The following ZNF521 variants were observed in gnomAD, a reference collection of about 807,000 sequenced individuals.
The protein encoded by ZNF521 is zinc finger protein 521.
ZNF521 carries 14 observed loss-of-function variants against 105.5 expected under a neutral mutation model. The ratio of observed to expected loss-of-function variants is 0.13; its 90% CI spans 0.09 to 0.21. The LOEUF is 0.21. Among genes scored for constraint, ZNF521 ranks in the 10% least tolerant of loss-of-function variants. The pLI is 1.00. For synonymous variants in ZNF521, 635 were observed against 606.0 expected (o/e 1.05, Z -0.70); for missense variants, 1,233 against 1,629.7 (o/e 0.76, Z 4.19).
intron 5 of ZNF521, among the ~76,000 whole-genome samples, chr18:25,154,803 C>T (rs1174030112): frequency 6.6e-6 from 1 of 152,068 alleles, no homozygotes; most frequent in African/African-American, 2.4e-5. Flanking sequence ...TTGATGAAGA[C>T]TTAAGTTCTT....
intron 3 of ZNF521, among the ~76,000 whole-genome samples, chr18:25,284,955 C>T (rs930902336): frequency 1.1e-4 from 16 of 151,562 alleles, no homozygotes; most frequent in African/African-American, 3.6e-4. Flanking sequence ...AGGCATCTGA[C>T]TATTTCAAAA....
At chr18:25,179,677 A>G (rs769970462) in intron 5 of ZNF521, among the ~76,000 whole-genome samples, 1 of 152,160 alleles carries the variant, frequency 6.6e-6, no homozygotes, top group South Asian at 2.1e-4. Flanking sequence ...TCCTTTTCCA[A>G]TATCTCTCTT....
intron 5 of ZNF521, among the ~76,000 whole-genome samples, chr18:25,093,994 C>T (rs546815193): frequency 6.6e-6 from 1 of 152,318 alleles, no homozygotes; most frequent in African/African-American, 2.4e-5. Flanking sequence ...CTTAATGCTA[C>T]ATACCTTTAT....
chr18:25,177,589 A>G (rs2035556190), intron 5 of ZNF521, among the ~76,000 whole-genome samples: 2 of 151,888 alleles, frequency 1.3e-5, no homozygotes, highest in South Asian at 2.1e-4. Flanking sequence ...TGCTATCTAC[A>G]TGCACACCTA....
intron 5 of ZNF521, among the ~76,000 whole-genome samples, chr18:25,178,132 G>T (rs1208215801): frequency 6.6e-6 from 1 of 152,160 alleles, no homozygotes; most frequent in Non-Finnish European, 1.5e-5. Context: ...CATATAGTAT[G>T]TCAATTCCTT....
At chr18:25,110,456 A>C (rs1053475151) in intron 5 of ZNF521, among the ~76,000 whole-genome samples, 1 of 152,142 alleles carries the variant, frequency 6.6e-6, no homozygotes, top group Non-Finnish European at 1.5e-5. Context: ...AAAGAAAGAA[A>C]AAGAGGGAGA....
intron 5 of ZNF521, among the ~76,000 whole-genome samples, chr18:25,171,373 A>G (rs1391424387): frequency 3.9e-5 from 6 of 152,150 alleles, no homozygotes; most frequent in Admixed American, 3.3e-4. Flanking sequence ...AATGTTGTAC[A>G]CTTTATAATG....
At chr18:25,171,691 A>C (rs2035451780) in intron 5 of ZNF521, among the ~76,000 whole-genome samples, 2 of 152,158 alleles carry the variant, frequency 1.3e-5, no homozygotes, top group African/African-American at 4.8e-5. Context: ...TCTAATCTGC[A>C]CTGCACTGTA....
rs200856604 is a variant in ZNF521 at position 25,224,542 on chromosome 18, C to T, written c.3376G>A (p.Ala1126Thr). Residue 1126 changes from alanine (A) to threonine (T), a missense_variant, in exon 4 of 8, where the codon GCC (alanine) becomes ACC (threonine). Physicochemically the swap from Ala to Thr is moderately conservative, Grantham distance 58. Coordinates refer to ENST00000361524, the MANE Select transcript of ZNF521 (RefSeq NM_015461.3). ...CCCACCTTGCCTTTCCCCTCAATGGCACTCAGATTCTCATTCTGGCCCAAG... is the reference window on the plus strand; with the variant it reads ...CCCACCTTGCCTTTCCCCTCAATGGTACTCAGATTCTCATTCTGGCCCAAG... ...PGLGQNENLS[A>T]IEGKGKVGGL... The T allele has an allele frequency of 1.9e-6, 3 of 1,614,034 alleles. No homozygotes were observed. Among genetic ancestry groups the T allele is most frequent in the Non-Finnish European group, 2.5e-6 (3 of 1,179,976 alleles).
intron 6 of ZNF521, among the ~76,000 whole-genome samples, chr18:25,091,664 A>G (rs530290665): frequency 1.3e-5 from 2 of 152,298 alleles, no homozygotes; most frequent in Admixed American, 1.3e-4. Context: ...AGAGAAAAAA[A>G]AAAGTGAACA....
At chr18:25,242,699 T>C (rs12955828) in intron 3 of ZNF521, among the ~76,000 whole-genome samples, 44,232 of 152,038 alleles carry the variant, frequency 0.29, 6,602 homozygotes, top group East Asian at 0.36. Flanking sequence ...TTTCTCATTG[T>C]TTAGCTATCG....
chr18:25,242,864 A>G (rs2144807034), intron 3 of ZNF521, among the ~76,000 whole-genome samples: 1 of 152,318 alleles, frequency 6.6e-6, no homozygotes, highest in East Asian at 1.9e-4. Context: ...CTAAAAGGGG[A>G]CATAATCTGA....
rs560573164 is a variant in ZNF521, at chr18:25,094,837, T to C, written c.3659-2756A>G. Among the ~76,000 whole-genome samples the C allele has an allele frequency of 1.2e-4, 18 of 152,226 alleles. 1 individual carries two copies. The South Asian group carries it at 3.5e-3, about 30-fold the overall frequency. ...ACTTGCTTATTACCTCAAGGTCAAA[T>C]GTATAATGAGAAAGAGAGATAGTAA... is the stretch of plus-strand genomic sequence containing the variant. On this transcript the variant is annotated intron_variant, in intron 5 of 7. Coordinates refer to ENST00000361524, the MANE Select transcript of ZNF521 (RefSeq NM_015461.3).
intron 5 of ZNF521, among the ~76,000 whole-genome samples, chr18:25,122,399 A>G (rs1442390290): frequency 6.6e-6 from 1 of 152,212 alleles, no homozygotes; most frequent in East Asian, 1.9e-4. Flanking sequence ...AGTGTCATGA[A>G]CATTCAGATA....
intron 3 of ZNF521, among the ~76,000 whole-genome samples, chr18:25,285,063 G>GGA (rs1465731228): frequency 7.7e-6 from 1 of 130,702 alleles, no homozygotes; most frequent in Non-Finnish European, 1.7e-5. Context: ...CCAGAAAAGG[G>GGA]AAAAAAAAAA....
At chr18:25,086,744 T>C (rs745749679) in intron 7 of ZNF521, among the ~76,000 whole-genome samples, 19 of 152,144 alleles carry the variant, frequency 1.2e-4, no homozygotes, top group Non-Finnish European at 1.9e-4. Context: ...AGGCTCATAG[T>C]TTTGGATTAC....
At chr18:25,095,840 G>A (rs2033841016) in intron 5 of ZNF521, among the ~76,000 whole-genome samples, 1 of 152,158 alleles carries the variant, frequency 6.6e-6, no homozygotes, top group Admixed American at 6.5e-5. Flanking sequence ...TTAGCTATAT[G>A]AGCAAACATG....
At chr18:25,287,252 A>G (rs574941225) in intron 3 of ZNF521, among the ~76,000 whole-genome samples, 16 of 152,322 alleles carry the variant, frequency 1.1e-4, no homozygotes, top group African/African-American at 3.6e-4. Flanking sequence ...AACTGAGGAG[A>G]GAGCAGCAAA....
chr18:25,244,116 T>C (rs1343800381), intron 3 of ZNF521, among the ~76,000 whole-genome samples: 1 of 152,122 alleles, frequency 6.6e-6, no homozygotes, highest in Non-Finnish European at 1.5e-5. Flanking sequence ...CAAGACTACC[T>C]TCCTTCCAAT....
Sources: gnomAD v4.1 joint callset for allele counts (sites outside exome capture counted in the v4.1 genomes callset) on GRCh38, gnomAD v4.1.1 for gene constraint, MANE v1.5 for transcripts, NCBI Gene and HGNC (gene_info 2026-07-23, HGNC 2026-07-21) for gene names.